Variants in LRP1B observed in about 807,000 individuals in gnomAD.
The protein encoded by LRP1B is LDL receptor related protein 1B, also known as low-density lipoprotein receptor-related protein 1B.
In LRP1B, 217 loss-of-function variants were observed where a neutral mutation model predicts 556.6. The ratio of observed to expected loss-of-function variants is 0.39; its 90% CI spans 0.35 to 0.44. The LOEUF (loss-of-function observed/expected upper bound fraction) is 0.44, where lower values mean the gene tolerates loss of function less well. Ranked by LOEUF, LRP1B falls within the 20% of genes least tolerant of loss-of-function variation. LRP1B has a pLI of 1.00. For missense variants in LRP1B, 5,053 were observed against 5,620.8 expected, an observed-to-expected ratio of 0.90 and a Z score of 3.23; for synonymous variants, 2,047 against 1,865.8, an observed-to-expected ratio of 1.10 and a Z score of -2.50.
intron 55 of LRP1B, among the ~76,000 whole-genome samples, chr2:140,496,671 A>G (rs961941275): frequency 6.6e-6 from 1 of 152,048 alleles, no homozygotes; most frequent in African/African-American, 2.4e-5. Flanking sequence ...ATTGTCTCTC[A>G]GTTCTGTTCT....
chr2:140,268,467 C>G (rs1682309148), intron 86 of LRP1B, among the ~76,000 whole-genome samples: 1 of 151,940 alleles, frequency 6.6e-6, no homozygotes, highest in Non-Finnish European at 1.5e-5. Flanking sequence ...AATAAAATAT[C>G]TGAATTTTAA....
chr2:141,551,648 A>G (rs2890614), intron 2 of LRP1B, among the ~76,000 whole-genome samples: 11,346 of 152,080 alleles, frequency 0.075, 529 homozygotes, highest in South Asian at 0.14. Flanking sequence ...AATTGGCTAC[A>G]TAGCATGCAA....
intron 35 of LRP1B, among the ~76,000 whole-genome samples, chr2:140,735,421 T>C (rs1687914329): frequency 6.6e-6 from 1 of 152,142 alleles, no homozygotes; most frequent in South Asian, 2.1e-4. Context: ...ACAAAGAGGC[T>C]CATAACTCCC....
chr2:140,889,073 A>G (rs1271411825), intron 23 of LRP1B, among the ~76,000 whole-genome samples: 1 of 152,226 alleles, frequency 6.6e-6, no homozygotes, highest in East Asian at 1.9e-4. Context: ...CTACAAGACT[A>G]AAAGTAATTT....
intron 32 of LRP1B, among the ~76,000 whole-genome samples, chr2:140,795,761 G>A (rs878977987): frequency 6.6e-5 from 10 of 152,200 alleles, no homozygotes; most frequent in South Asian, 2.1e-4. Flanking sequence ...ATTAAGTTCA[G>A]TTTAAGACAA....
intron 2 of LRP1B, among the ~76,000 whole-genome samples, chr2:141,684,823 G>A (rs1691237026): frequency 6.6e-6 from 1 of 152,030 alleles, no homozygotes; most frequent in Non-Finnish European, 1.5e-5. Context: ...CTGCCAGCTT[G>A]AATTGAAAGA....
chr2:140,999,591 G>A (rs1317860249), intron 15 of LRP1B, among the ~76,000 whole-genome samples: 2 of 152,094 alleles, frequency 1.3e-5, no homozygotes, highest in East Asian at 1.9e-4. Flanking sequence ...GATAGCCTGG[G>A]TTATTTAGAA....
intron 3 of LRP1B, among the ~76,000 whole-genome samples, chr2:141,278,211 T>C (rs927278537): frequency 6.6e-6 from 1 of 152,094 alleles, no homozygotes; most frequent in Non-Finnish European, 1.5e-5. Flanking sequence ...TCAGGAGAAA[T>C]TGGCTGGGGC....
At position 141,666,629 on chromosome 2, in the gene LRP1B, C is replaced by T. The variant is rs75151380; in HGVS notation, c.205+143650G>A. 2.0e-3 allele frequency among the ~76,000 whole-genome samples: 310 copies of T among 152,324 alleles called. 6 individuals are homozygous for T. The East Asian group carries it at 0.046, about 22-fold the overall frequency. On this transcript the variant is annotated intron_variant, in intron 2 of 90. Coordinates refer to ENST00000389484, the MANE Select transcript of LRP1B (RefSeq NM_018557.3). ...AGGCTGAGAAAAATCTATCCCTGGT[C>T]TCAGGGAATGGTCCAGATACAAGTC...
At chr2:141,442,297 A>G (rs1316115735) in intron 3 of LRP1B, among the ~76,000 whole-genome samples, 1 of 152,176 alleles carries the variant, frequency 6.6e-6, no homozygotes, top group Non-Finnish European at 1.5e-5. Flanking sequence ...GGCTTTTGAT[A>G]TATCTTACTT....
At chr2:141,502,849 C>T (rs552207264) in intron 2 of LRP1B, among the ~76,000 whole-genome samples, 1 of 107,734 alleles carries the variant, frequency 9.3e-6, no homozygotes, top group African/African-American at 3.2e-5. Flanking sequence ...CAGAGGGAGA[C>T]CCCGTCTCAA....
chr2:140,713,670 T>C (rs1172183608), intron 37 of LRP1B, among the ~76,000 whole-genome samples: 1 of 151,998 alleles, frequency 6.6e-6, no homozygotes, highest in Non-Finnish European at 1.5e-5. Flanking sequence ...TACCAACAAT[T>C]ATACAGACCC....
intron 77 of LRP1B, among the ~76,000 whole-genome samples, chr2:140,336,313 A>G (rs1681093268): frequency 6.6e-6 from 1 of 151,446 alleles, no homozygotes. Context: ...GTATTTGTTT[A>G]CTGTTCTGAC....
chr2:140,238,200 G>T lies in LRP1B; in HGVS notation c.13512C>A (p.His4504Gln), dbSNP rs368983542. Residue 4504 changes from histidine to glutamine, a missense_variant, in exon 89 of 91, where the codon CAC (histidine) becomes CAA (glutamine). By Grantham distance (24) the His-to-Gln change is conservative. Coordinates refer to ENST00000389484, the MANE Select transcript of LRP1B (RefSeq NM_018557.3). The part of the protein sequence containing the change: ...SYNMYEVDHD[H>Q]NDGGLLDPGF... ...CAGGATCTAAAAGACCTCCATCGTT[G>T]TGATCATGATCTACCTCATACATGT... 1.2e-6 allele frequency: 2 copies of T among 1,605,292 alleles called. No homozygotes were observed. The highest frequency in any genetic ancestry group is 1.7e-6 in the Non-Finnish European group (2 of 1,174,430).
intron 41 of LRP1B, among the ~76,000 whole-genome samples, chr2:140,638,953 G>A (rs1307457446): frequency 1.3e-5 from 2 of 151,308 alleles, no homozygotes; most frequent in Non-Finnish European, 2.9e-5. Context: ...TTTCACCATT[G>A]TGCTTAATGT....
intron 77 of LRP1B, among the ~76,000 whole-genome samples, chr2:140,347,583 CTT>C (rs1004271371): frequency 3.3e-5 from 5 of 151,746 alleles, no homozygotes; most frequent in African/African-American, 1.2e-4. Flanking sequence ...ATTTTCTACT[CTT>C]TATGGAAATT....
chr2:141,092,364 G>T (rs1432075389), intron 7 of LRP1B, among the ~76,000 whole-genome samples: 1 of 152,208 alleles, frequency 6.6e-6, no homozygotes, highest in African/African-American at 2.4e-5. Flanking sequence ...TCATGACAAT[G>T]AGTTACTGTT....
Position 140,902,840 on chromosome 2 carries a change from A to AT in LRP1B, c.3766+79dup. 3.4e-6 allele frequency: 5 copies of AT among 1,459,980 alleles called. No individual in the cohort carries two copies. In the East Asian group the frequency reaches 1.1e-4, roughly 34 times the overall value. The allele number at this position is 1,459,980 out of a possible 1,614,324, so 90.4% of individuals were successfully genotyped here. On this transcript the variant is annotated intron_variant, in intron 23 of 90. Transcript: ENST00000389484. ...TAAAATGAGTTGAATCCTTTCATTA[A>AT]TTTTCTGAAGCAGTTTTGGGATTTG...
intron 2 of LRP1B, among the ~76,000 whole-genome samples, chr2:141,775,590 A>G (rs1227929492): frequency 6.6e-6 from 1 of 152,200 alleles, no homozygotes; most frequent in Non-Finnish European, 1.5e-5. Flanking sequence ...ATTGAAATAT[A>G]GGTGCACTTG....
Sources: gnomAD v4.1 joint callset for allele counts (sites outside exome capture counted in the v4.1 genomes callset) on GRCh38, gnomAD v4.1.1 for gene constraint, MANE v1.5 for transcripts, NCBI Gene and HGNC (gene_info 2026-07-23, HGNC 2026-07-21) for gene names.